The following GRIK2 variants were observed in gnomAD, a reference collection of about 807,000 sequenced individuals.
GRIK2 encodes glutamate ionotropic receptor kainate type subunit 2.
In GRIK2, 32 loss-of-function variants were observed where a neutral mutation model predicts 100.3. That is an observed-to-expected ratio of 0.32 (90% CI 0.24 to 0.43). The LOEUF (loss-of-function observed/expected upper bound fraction) is 0.43, where lower values mean the gene tolerates loss of function less well. Among genes scored for constraint, GRIK2 ranks in the 20% least tolerant of loss-of-function variants. GRIK2 has a pLI of 1.00. For missense variants in GRIK2, 843 were observed against 1,114.9 expected (o/e 0.76, Z 3.47); for synonymous variants, 417 against 389.4 (o/e 1.07, Z -0.83).
chr6:101,591,352 C>T (rs1295147725), intron 2 of GRIK2, among the ~76,000 whole-genome samples: 1 of 151,580 alleles, frequency 6.6e-6, no homozygotes, highest in Non-Finnish European at 1.5e-5. Context: ...TGATTCTTTC[C>T]AAGCTTATCT....
intron 12 of GRIK2, among the ~76,000 whole-genome samples, chr6:101,916,297 G>C (rs2128467408): frequency 6.6e-6 from 1 of 151,294 alleles, no homozygotes; most frequent in East Asian, 1.9e-4. Context: ...CTTTTCTTGA[G>C]CATTTGTGAC....
At chr6:101,929,029 G>A (rs929449885) in intron 14 of GRIK2, among the ~76,000 whole-genome samples, 6 of 152,018 alleles carry the variant, frequency 3.9e-5, no homozygotes, top group South Asian at 2.1e-4. Context: ...TTTCCCATAC[G>A]TACATTTACT....
intron 6 of GRIK2, among the ~76,000 whole-genome samples, chr6:101,684,824 T>G (rs1771560675): frequency 6.6e-6 from 1 of 151,610 alleles, no homozygotes; most frequent in Non-Finnish European, 1.5e-5. Flanking sequence ...TCCAGAAAAC[T>G]TAGCAAGGCC....
intron 7 of GRIK2, among the ~76,000 whole-genome samples, chr6:101,696,948 T>C (rs1434591429): frequency 6.6e-6 from 1 of 151,994 alleles, no homozygotes; most frequent in East Asian, 1.9e-4. Context: ...GGTAGCTAGT[T>C]GGTCTACTAA....
chr6:101,818,442 G>C lies in GRIK2; in HGVS notation c.1276G>C (p.Asp426His). The change falls in exon 10 of 17, where the codon GAT becomes CAT. Residue 426 changes from aspartate to histidine, a missense_variant. Transcript: ENST00000369134. ...SQKGKPANIT[D>H]SLSNRSLIVT... ...AAAGGGAAAGCCAGCGAACATCACAGATTCCTTATCCAATCGTTCTTTGAT... is the reference window on the plus strand; with the variant it reads ...AAAGGGAAAGCCAGCGAACATCACACATTCCTTATCCAATCGTTCTTTGAT... The C allele has an allele frequency of 6.2e-7, 1 of 1,610,760 alleles. No individual in the cohort carries two copies. Among genetic ancestry groups the C allele is most frequent in the Non-Finnish European group, 8.5e-7 (1 of 1,177,102 alleles).
At chr6:101,400,138 G>A (rs1226741672) in intron 2 of GRIK2, among the ~76,000 whole-genome samples, 4 of 152,098 alleles carry the variant, frequency 2.6e-5, no homozygotes, top group African/African-American at 9.7e-5. Context: ...TAGTATCTGG[G>A]GCGGTGGGGA....
At chr6:101,741,369 C>A (rs1315593754) in intron 7 of GRIK2, among the ~76,000 whole-genome samples, 2 of 152,186 alleles carry the variant, frequency 1.3e-5, no homozygotes, top group African/African-American at 4.8e-5. Flanking sequence ...TAGGAAGAAA[C>A]TTTTCCTCTA....
intron 7 of GRIK2, among the ~76,000 whole-genome samples, chr6:101,757,207 T>G (rs1043965753): frequency 6.6e-6 from 1 of 152,110 alleles, no homozygotes; most frequent in Non-Finnish European, 1.5e-5. Flanking sequence ...ACATTATCTA[T>G]CAAAAGAAAA....
At chr6:101,882,112 G>A (rs1786290489) in intron 11 of GRIK2, among the ~76,000 whole-genome samples, 1 of 151,976 alleles carries the variant, frequency 6.6e-6, no homozygotes, top group Non-Finnish European at 1.5e-5. Context: ...TCATTACTAT[G>A]AGAACAGTAT....
intron 2 of GRIK2, among the ~76,000 whole-genome samples, chr6:101,429,822 T>C (rs957184226): frequency 3.9e-5 from 6 of 152,178 alleles, no homozygotes; most frequent in Admixed American, 3.3e-4. Flanking sequence ...TTGAGAATAG[T>C]GTGCAAAAAT....
chr6:101,413,986 G>C (rs1433403649), intron 2 of GRIK2, among the ~76,000 whole-genome samples: 3 of 152,080 alleles, frequency 2.0e-5, no homozygotes, highest in Non-Finnish European at 2.9e-5. Context: ...GCTTACCCAT[G>C]TGCCAGACAC....
chr6:101,457,136 C>A (rs1487335694), intron 2 of GRIK2, among the ~76,000 whole-genome samples: 1 of 152,068 alleles, frequency 6.6e-6, no homozygotes, highest in African/African-American at 2.4e-5. Flanking sequence ...TGTTAAGCTG[C>A]AGATATGTAA....
rs9498761 is a variant in GRIK2, at chr6:101,942,266, G to A, written c.2085+13634G>A. 3.8e-4 allele frequency among the ~76,000 whole-genome samples: 58 copies of A among 152,200 alleles called. 1 individual carries two copies. In the South Asian group the frequency reaches 0.01, roughly 27 times the overall value. ...TGAATCATGGGGGCATTTTCTAATCGTTTAGCATCATCTCCATTTTCAAGT... is the reference window on the plus strand; with the variant it reads ...TGAATCATGGGGGCATTTTCTAATCATTTAGCATCATCTCCATTTTCAAGT... On this transcript the variant is annotated intron_variant, in intron 14 of 16. Coordinates refer to ENST00000369134, the MANE Select transcript of GRIK2 (RefSeq NM_021956.5).
At chr6:102,048,940 G>T (rs887456113) in intron 15 of GRIK2, among the ~76,000 whole-genome samples, 7 of 152,018 alleles carry the variant, frequency 4.6e-5, no homozygotes, top group African/African-American at 1.4e-4. Context: ...GCAATACCCA[G>T]TAAGCCCTTT....
At chr6:101,413,629 G>A (rs1313911485) in intron 2 of GRIK2, among the ~76,000 whole-genome samples, 1 of 152,000 alleles carries the variant, frequency 6.6e-6, no homozygotes, top group Non-Finnish European at 1.5e-5. Context: ...GTTCTGAATG[G>A]CATCAAGATG....
chr6:101,553,550 A>T (rs997087127), intron 2 of GRIK2, among the ~76,000 whole-genome samples: 1 of 152,212 alleles, frequency 6.6e-6, no homozygotes, highest in Non-Finnish European at 1.5e-5. Flanking sequence ...AAGTTTAATT[A>T]TAAAGTTATA....
At chr6:101,988,237 A>G (rs1029826592) in intron 14 of GRIK2, among the ~76,000 whole-genome samples, 1 of 151,564 alleles carries the variant, frequency 6.6e-6, no homozygotes, top group Non-Finnish European at 1.5e-5. Context: ...CTAAAAATTA[A>G]TCATTATGTC....
chr6:102,006,392 T>TTA (rs1795240219), intron 14 of GRIK2, among the ~76,000 whole-genome samples: 1 of 96,474 alleles, frequency 1.0e-5, no homozygotes, highest in Non-Finnish European at 1.9e-5. Context: ...ATATATATAT[T>TTA]TTTTTTTTTT....
At chr6:102,021,937 C>G (rs547432558) in intron 14 of GRIK2, among the ~76,000 whole-genome samples, 1 of 143,722 alleles carries the variant, frequency 7.0e-6, no homozygotes, top group East Asian at 2.0e-4. Context: ...ACAACGTGGC[C>G]AGGATGCTGA....
Sources: gnomAD v4.1 joint callset for allele counts (sites outside exome capture counted in the v4.1 genomes callset) on GRCh38, gnomAD v4.1.1 for gene constraint, MANE v1.5 for transcripts, NCBI Gene and HGNC (gene_info 2026-07-23, HGNC 2026-07-21) for gene names.